The following INPP5D variants were observed in gnomAD, a reference collection of about 807,000 sequenced individuals.
INPP5D encodes the protein phosphatidylinositol 3,4,5-trisphosphate 5-phosphatase 1.
A neutral mutation model predicts 122.9 loss-of-function variants in INPP5D; 33 were observed. The ratio of observed to expected loss-of-function variants is 0.27; its 90% CI spans 0.20 to 0.36. INPP5D has a LOEUF of 0.36. Ranked by LOEUF, INPP5D falls within the 10% of genes least tolerant of loss-of-function variation. The pLI, the probability that INPP5D is intolerant of heterozygous loss-of-function variation, is 1.00. For missense variants in INPP5D, 1,053 were observed against 1,412.7 expected, an observed-to-expected ratio of 0.75 and a Z score of 4.08; for synonymous variants, 584 against 576.2, an observed-to-expected ratio of 1.01 and a Z score of -0.19.
At chr2:233,193,749 G>A in intron 22 of INPP5D, 63 bp from the exon 23 acceptor site, 1 of 1,611,738 alleles carries the variant, frequency 6.2e-7, no homozygotes, top group African/African-American at 1.3e-5. Context: ...CCGGCCAAGA[G>A]TTTGGTGTTT....
intron 8 of INPP5D, among the ~76,000 whole-genome samples, chr2:233,146,947 G>A (rs922444911): frequency 5.9e-5 from 9 of 151,966 alleles, no homozygotes; most frequent in African/African-American, 7.3e-5. Context: ...CACCCCCTCC[G>A]CCACACACAC....
Position 233,169,324 on chromosome 2 carries a change from G to T in INPP5D, c.1575G>T (p.Gly525=). The T allele has an allele frequency of 1.2e-6, 2 of 1,605,154 alleles. No individual in the cohort carries two copies. Among genetic ancestry groups the T allele is most frequent in the Non-Finnish European group, 1.7e-6 (2 of 1,175,724 alleles). The change falls in exon 14 of 27, where the codon GGG becomes GGT. Residue 525 remains glycine, a synonymous_variant. Transcript: ENST00000445964. ...TTTTAGGGAACAAGGGAGCCGTGGGGGTGTCGTTCATGTTCAATGGAACCT... is the reference window on the plus strand; with the variant it reads ...TTTTAGGGAACAAGGGAGCCGTGGGTGTGTCGTTCATGTTCAATGGAACCT... ...ANTLGNKGAV[G]VSFMFNGTSL...
intron 9 of INPP5D, among the ~76,000 whole-genome samples, chr2:233,156,463 G>A (rs1205381776): frequency 1.3e-5 from 2 of 152,032 alleles, no homozygotes; most frequent in Non-Finnish European, 1.5e-5. Context: ...CTAATTTTTT[G>A]TTTTGTATTT....
In INPP5D at chr2:233,082,062, C is replaced by T. The variant is rs553691332; in HGVS notation, c.198+2664C>T. Among the ~76,000 whole-genome samples the T allele has an allele frequency of 3.3e-5, 5 of 152,256 alleles. No individual in the cohort carries two copies. Among genetic ancestry groups the T allele is most frequent in the South Asian group, 2.1e-4 (1 of 4,820 alleles). ...GCGGGCAGCTTTCAGAGAAGATGGG[C>T]GGCTCTGCTGGACTTCTCTGCTCCT... On this transcript the variant is annotated intron_variant, in intron 2 of 26. Coordinates refer to ENST00000445964, the MANE Select transcript of INPP5D (RefSeq NM_001017915.3). This position sits in a 1 kb window ranked among gnomAD's most constrained non-coding sequence, Gnocchi z 4.7.
At chr2:233,080,286 C>T (rs567387761) in intron 2 of INPP5D, among the ~76,000 whole-genome samples, 2 of 152,226 alleles carry the variant, frequency 1.3e-5, no homozygotes, top group South Asian at 2.1e-4. Context: ...GGAAGGCCAC[C>T]CTAAGCACGG....
At chr2:233,064,649 CAAAT>C (rs1691161816) in intron 1 of INPP5D, among the ~76,000 whole-genome samples, 1 of 152,162 alleles carries the variant, frequency 6.6e-6, no homozygotes, top group Non-Finnish European at 1.5e-5. Context: ...ACAGGACTAA[CAAAT>C]AAAAGGGCCA....
rs116562203 is a variant in INPP5D at position 233,189,587 on chromosome 2, C to T, written c.2359-263C>T. Reference sequence around the variant, plus strand: ...GCCCATCTGGGGTCAGGCCTTCTTGCTGGGACCTGGGAGCCAGCTCAGTTT... The same window carrying T: ...GCCCATCTGGGGTCAGGCCTTCTTGTTGGGACCTGGGAGCCAGCTCAGTTT... On this transcript the variant is annotated intron_variant, in intron 21 of 26. Coordinates refer to ENST00000445964, the MANE Select transcript of INPP5D (RefSeq NM_001017915.3). This position sits in a 1 kb window ranked among gnomAD's most constrained non-coding sequence, Gnocchi z 5.6. Among the ~76,000 whole-genome samples, 74 of 152,236 alleles carry T rather than the reference C, an allele frequency of 4.9e-4. No homozygotes were observed. Among genetic ancestry groups the T allele is most frequent in the African/African-American group, 1.7e-3 (70 of 41,552 alleles).
chr2:233,151,056 C>A (rs565496695), intron 9 of INPP5D, among the ~76,000 whole-genome samples: 2 of 152,198 alleles, frequency 1.3e-5, no homozygotes, highest in East Asian at 3.9e-4. Context: ...CCTAGAATGC[C>A]CAAGTAAGGA....
At chr2:233,081,246 C>A (rs1018807516) in intron 2 of INPP5D, among the ~76,000 whole-genome samples, 1 of 152,160 alleles carries the variant, frequency 6.6e-6, no homozygotes, top group Non-Finnish European at 1.5e-5. Flanking sequence ...GGAGCCCTGT[C>A]TGGGGCAGGC....
At chr2:233,089,809 G>C (rs553589064) in intron 2 of INPP5D, among the ~76,000 whole-genome samples, 4 of 152,330 alleles carry the variant, frequency 2.6e-5, no homozygotes, top group Middle Eastern at 3.4e-3. Flanking sequence ...CCAATGACAA[G>C]CAATTTTCAA....
chr2:233,148,566 AG>A (rs1329615335), intron 9 of INPP5D, among the ~76,000 whole-genome samples: 5 of 152,152 alleles, frequency 3.3e-5, no homozygotes, highest in African/African-American at 9.7e-5. Flanking sequence ...GTCAGGAGGC[AG>A]GGGGGTAGGC....
At chr2:233,194,998 G>T (rs1031654046) in intron 23 of INPP5D, among the ~76,000 whole-genome samples, 2 of 152,098 alleles carry the variant, frequency 1.3e-5, no homozygotes, top group Non-Finnish European at 2.9e-5. Flanking sequence ...GTTTCACCAC[G>T]TTGGCCAGAC....
chr2:233,171,096 C>T lies in INPP5D; in HGVS notation c.1933C>T (p.Arg645Cys), dbSNP rs1231529587. ...AGAAATCACGTTTGCCCCAACCTAC[C>T]GTTTTGAGAGACTGACTCGGGACAA... ...EEEITFAPTY[R>C]FERLTRDKYA... Residue 645 changes from arginine (R) to cysteine (C), a missense_variant, in exon 17 of 27, where the codon CGT becomes TGT. Coordinates refer to ENST00000445964, the MANE Select transcript of INPP5D (RefSeq NM_001017915.3). 6.2e-7 allele frequency: 1 copy of T among 1,613,080 alleles called. No homozygotes were observed. Among genetic ancestry groups the T allele is most frequent in the Non-Finnish European group, 8.5e-7 (1 of 1,179,518 alleles).
intron 21 of INPP5D, 31 bp downstream of exon 21, chr2:233,185,956 G>A: frequency 6.4e-7 from 1 of 1,562,504 alleles, no homozygotes; most frequent in African/African-American, 1.4e-5. Flanking sequence ...TCCCCAGAGG[G>A]AGATTTGCAT....
intron 20 of INPP5D, among the ~76,000 whole-genome samples, chr2:233,185,177 G>A (rs1694881008): frequency 6.6e-6 from 1 of 151,988 alleles, no homozygotes; most frequent in South Asian, 2.1e-4. Flanking sequence ...AGGAAAAGGG[G>A]GCATCACCTC....
Position 233,170,250 on chromosome 2 carries a change from A to G in INPP5D, c.1791+86A>G, listed in dbSNP as rs917064079. ...CAGCTTGGGGCAGGTGGTCGTGGAG[A>G]CATGTGAATCAAGTGGGCTGAGGCG... On this transcript the variant is annotated intron_variant, in intron 15 of 26. Transcript: ENST00000445964. The surrounding 1 kb of genome is among the most constrained non-coding windows in gnomAD (Gnocchi z 4.5). The G allele has an allele frequency of 1.9e-6, 3 of 1,549,198 alleles. No individual in the cohort carries two copies. The highest frequency in any genetic ancestry group is 2.6e-6 in the Non-Finnish European group (3 of 1,145,486).
At chr2:233,114,308 A>G (rs1285415815) in intron 2 of INPP5D, among the ~76,000 whole-genome samples, 7 of 152,018 alleles carry the variant, frequency 4.6e-5, no homozygotes, top group African/African-American at 9.7e-5. Context: ...TTCTTCACCC[A>G]CGTGGGGCCC....
At position 233,128,992 on chromosome 2, in the gene INPP5D, T is replaced by A. The variant is rs991544378; in HGVS notation, c.525-1516T>A. On this transcript the variant is annotated intron_variant, in intron 4 of 26. Transcript: ENST00000445964. The surrounding 1 kb of genome is among the most constrained non-coding windows in gnomAD (Gnocchi z 4.5). ...GTCAGCCTGGCCAACATGGTAAAACTCCACCTCTACTAAAAATACAAACAT... is the reference window on the plus strand; with the variant it reads ...GTCAGCCTGGCCAACATGGTAAAACACCACCTCTACTAAAAATACAAACAT... 5.3e-5 allele frequency among the ~76,000 whole-genome samples: 8 copies of A among 151,962 alleles called. No individual in the cohort carries two copies. The highest frequency in any genetic ancestry group is 1.9e-4 in the African/African-American group (8 of 41,368).
Position 233,164,397 on chromosome 2 carries a change from G to A in INPP5D, c.1528G>A (p.Val510Met). The change falls in exon 13 of 27, where the codon GTG becomes ATG. Residue 510 changes from valine (V) to methionine (M), a missense_variant. Physicochemically the swap from Val to Met is conservative, Grantham distance 21. Around this residue, in one of 6 missense-constraint regions of INPP5D, gnomAD observed 105 missense variants for 199.8 expected, o/e 0.53. Coordinates refer to ENST00000445964, the MANE Select transcript of INPP5D (RefSeq NM_001017915.3). The surrounding 1 kb of genome is among the most constrained non-coding windows in gnomAD (Gnocchi z 4.3). ...GATCAGCCACATCTGTACTGACAAC[G>A]TGAAGACAGGCATTGCAAACACACT... ...NRISHICTDNVKTGIANTLGN... is the reference protein window; with the variant it reads ...NRISHICTDNMKTGIANTLGN... 4 of 1,552,030 alleles carry A rather than the reference G, an allele frequency of 2.6e-6. No individual in the cohort carries two copies. The highest frequency in any genetic ancestry group is 3.5e-6 in the Non-Finnish European group (4 of 1,147,088).
Sources: allele counts gnomAD v4.1 joint callset (sites outside exome capture counted in the v4.1 genomes callset), GRCh38; gene constraint gnomAD v4.1.1; regional missense constraint gnomAD v4.1.1; non-coding constraint Gnocchi (gnomAD v3.1); transcripts MANE v1.5; gene names NCBI Gene and HGNC (gene_info 2026-07-23, HGNC 2026-07-21).